The following CUBN variants were observed in gnomAD, a reference collection of about 807,000 sequenced individuals.
CUBN encodes the protein cubilin.
Under a neutral mutation model 405.3 loss-of-function variants are expected in CUBN, and 282 were observed. That is an observed-to-expected ratio of 0.70 (90% CI 0.63 to 0.77). The LOEUF (loss-of-function observed/expected upper bound fraction) is 0.77. Ranked by LOEUF, CUBN falls within the 30% of genes least tolerant of loss-of-function variation. The pLI, the probability that CUBN is intolerant of heterozygous loss-of-function variation, is 0.00. For missense variants in CUBN, 4,514 were observed against 4,475.2 expected, an observed-to-expected ratio of 1.01 and a Z score of -0.25; for synonymous variants, 1,684 against 1,617.0, an observed-to-expected ratio of 1.04 and a Z score of -0.99.
chr10:16,936,968 C>G (rs1468003857), intron 39 of CUBN, among the ~76,000 whole-genome samples: 1 of 152,164 alleles, frequency 6.6e-6, no homozygotes, highest in Admixed American at 6.6e-5. Context: ...CCGTCTACCT[C>G]TGCCTCCAAA....
chr10:16,947,407 A>C (rs746016299), intron 35 of CUBN, 40 bp from the exon 36 acceptor site: 1 of 1,607,502 alleles, frequency 6.2e-7, no homozygotes, highest in Non-Finnish European at 8.5e-7. Context: ...CAGAGCAAAG[A>C]CTGCATCAGA....
chr10:17,024,169 T>C (rs1362506472), intron 27 of CUBN, among the ~76,000 whole-genome samples: 1 of 152,142 alleles, frequency 6.6e-6, no homozygotes, highest in Non-Finnish European at 1.5e-5. Context: ...GACTTCTAAA[T>C]AGGAAGGACC....
intron 59 of CUBN, among the ~76,000 whole-genome samples, chr10:16,863,514 G>T (rs1462393367): frequency 6.6e-6 from 1 of 152,092 alleles, no homozygotes; most frequent in Non-Finnish European, 1.5e-5. Context: ...ACAGTAACGT[G>T]AGCTGACAAC....
chr10:16,943,631 C>G (rs969645262), intron 36 of CUBN, among the ~76,000 whole-genome samples: 7 of 152,110 alleles, frequency 4.6e-5, no homozygotes, highest in Non-Finnish European at 1.0e-4. Context: ...GTAAATTACA[C>G]GAAGTTGCCT....
chr10:17,068,709 G>A lies in CUBN; in HGVS notation c.2687C>T (p.Pro896Leu). The A allele has an allele frequency of 6.2e-7, 1 of 1,611,702 alleles. No individual in the cohort carries two copies. The highest frequency in any genetic ancestry group is 8.5e-7 in the Non-Finnish European group (1 of 1,178,152). The change falls in exon 20 of 67, where the codon CCT becomes CTT. Residue 896 changes from proline (P) to leucine (L), a missense_variant. This residue lies in a region of CUBN where 1,448 missense variants were observed against 1,388.0 expected (regional missense o/e 1.04). Transcript: ENST00000377833. ...ENKKYCGTDI[P>L]SFITSVYNFL... Reference sequence around the variant, plus strand: ...ATTGTACACAGATGTTATAAATGAAGGTATGTCTGTACCGCAATACTTTTT... The same window carrying A: ...ATTGTACACAGATGTTATAAATGAAAGTATGTCTGTACCGCAATACTTTTT...
intron 60 of CUBN, among the ~76,000 whole-genome samples, chr10:16,842,696 A>G (rs915555705): frequency 6.6e-6 from 1 of 152,200 alleles, no homozygotes; most frequent in African/African-American, 2.4e-5. Context: ...GCAAACTCCA[A>G]TGAGGTGATG....
intron 57 of CUBN, among the ~76,000 whole-genome samples, chr10:16,875,578 G>T (rs1444195986): frequency 1.3e-5 from 2 of 152,154 alleles, no homozygotes; most frequent in Non-Finnish European, 2.9e-5. Context: ...GTACTTGTGT[G>T]TTCAGACCCC....
At chr10:16,836,191 T>C in intron 63 of CUBN, 44 bp downstream of exon 63, 3 of 1,541,132 alleles carry the variant, frequency 1.9e-6, no homozygotes, top group Non-Finnish European at 1.8e-6. Context: ...ATAATGGTAA[T>C]GATGGCAGCT....
chr10:16,845,589 A>G (rs1313200545), intron 60 of CUBN, among the ~76,000 whole-genome samples: 2 of 152,260 alleles, frequency 1.3e-5, no homozygotes, highest in African/African-American at 4.8e-5. Context: ...CAGCTCTACA[A>G]GAGCAGGAGT....
In CUBN at chr10:16,954,424, C is replaced by G; in HGVS notation, c.4820G>C (p.Arg1607Thr). 1 of 1,614,148 alleles carries G rather than the reference C, an allele frequency of 6.2e-7. No homozygotes were observed. Among genetic ancestry groups the G allele is most frequent in the East Asian group, 2.2e-5 (1 of 44,878 alleles). ...TTGAGCTCGGAAGCCTCTGTTCTGTCTGGAAGGGCCAGACTGAAATCTCAA... is the reference window on the plus strand; with the variant it reads ...TTGAGCTCGGAAGCCTCTGTTCTGTGTGGAAGGGCCAGACTGAAATCTCAA... ...LFLRFQSGPS[R>T]QNRGFRAQFR... The change falls in exon 32 of 67, where the codon AGA (arginine) becomes ACA (threonine). Residue 1607 changes from arginine to threonine, a missense_variant. Physicochemically the swap from Arg to Thr is moderately conservative, Grantham distance 71. Coordinates refer to ENST00000377833, the MANE Select transcript of CUBN (RefSeq NM_001081.4).
intron 17 of CUBN, among the ~76,000 whole-genome samples, chr10:17,081,394 G>A (rs1308019710): frequency 1.3e-5 from 2 of 152,016 alleles, no homozygotes; most frequent in Non-Finnish European, 2.9e-5. Flanking sequence ...AATTTTGGGT[G>A]GACTGCTTTT....
At chr10:16,892,105 A>G (rs1217245309) in intron 54 of CUBN, among the ~76,000 whole-genome samples, 1 of 152,228 alleles carries the variant, frequency 6.6e-6, no homozygotes, top group Non-Finnish European at 1.5e-5. Context: ...AAATCAGTCC[A>G]TAGCAAGAGA....
Position 16,906,281 on chromosome 10 carries a change from A to G in CUBN, c.7834T>C (p.Ser2612Pro). ...TLSNPNQGNS[S>P]ISIHFEDFYL... ...AAATCTTCAAAGTGAATGGAAATGG[A>G]TGAATTTCCCTGATTTGGATTGCTG... Residue 2612 changes from serine to proline, a missense_variant, in exon 50 of 67, where the codon TCC becomes CCC. Physicochemically the swap from Ser to Pro is moderately conservative, Grantham distance 74 (BLOSUM62 -1). Around this residue, in one of 5 missense-constraint regions of CUBN, gnomAD observed 1,613 missense variants for 1,542.8 expected, o/e 1.05. Transcript: ENST00000377833. 1 of 1,614,132 alleles carries G rather than the reference A, an allele frequency of 6.2e-7. No individual in the cohort carries two copies. Among genetic ancestry groups the G allele is most frequent in the Non-Finnish European group, 8.5e-7 (1 of 1,179,942 alleles).
intron 59 of CUBN, among the ~76,000 whole-genome samples, chr10:16,859,854 C>G (rs2097111594): frequency 6.6e-6 from 1 of 152,022 alleles, no homozygotes; most frequent in South Asian, 2.1e-4. Context: ...TTTTGTGTAC[C>G]TATTATGTAC....
At chr10:16,980,520 G>T (rs1029695492) in intron 31 of CUBN, among the ~76,000 whole-genome samples, 5 of 152,190 alleles carry the variant, frequency 3.3e-5, no homozygotes, top group African/African-American at 1.2e-4. Flanking sequence ...CATAAAAAAG[G>T]ATGAGTTCAT....
intron 9 of CUBN, among the ~76,000 whole-genome samples, chr10:17,110,654 A>G (rs973927577): frequency 6.6e-6 from 1 of 151,952 alleles, no homozygotes; most frequent in Non-Finnish European, 1.5e-5. Context: ...CAGCCTCCCG[A>G]GTAGCTAGGA....
chr10:17,003,642 T>C (rs117455737), intron 28 of CUBN, among the ~76,000 whole-genome samples: 2,323 of 152,276 alleles, frequency 0.015, 21 homozygotes, highest in Non-Finnish European at 0.024. Flanking sequence ...AGTTATAACT[T>C]TGAAGAAATT....
chr10:17,104,694 G>A (rs1775320424), intron 11 of CUBN, 89 bp from the exon 12 acceptor site: 18 of 624,442 alleles, frequency 2.9e-5, no homozygotes, highest in South Asian at 1.8e-4. Context: ...GTAGTGCCAT[G>A]GAGATATATA....
chr10:16,898,919 C>T (rs986505588), intron 54 of CUBN, 77 bp downstream of exon 54: 23 of 1,127,338 alleles, frequency 2.0e-5, no homozygotes, highest in Middle Eastern at 2.0e-4. Flanking sequence ...CTTTGAGCGA[C>T]AATGAATCAT....
Sources: allele counts gnomAD v4.1 joint callset (sites outside exome capture counted in the v4.1 genomes callset), GRCh38; gene constraint gnomAD v4.1.1; regional missense constraint gnomAD v4.1.1; transcripts MANE v1.5; gene names NCBI Gene and HGNC (gene_info 2026-07-23, HGNC 2026-07-21).